CTNNA3: variants seen among roughly 807,000 people sequenced by gnomAD.
The protein encoded by CTNNA3 is catenin alpha-3.
CTNNA3 carries 76 observed loss-of-function variants against 95.7 expected under a neutral mutation model. The ratio of observed to expected loss-of-function variants is 0.79; its 90% CI spans 0.66 to 0.96. The LOEUF (loss-of-function observed/expected upper bound fraction) is 0.96, where lower values mean the gene tolerates loss of function less well. Ranked by LOEUF, CTNNA3 falls within the 40% of genes least tolerant of loss-of-function variation. CTNNA3 has a pLI of 0.00. For missense variants in CTNNA3, 1,191 were observed against 1,089.8 expected (o/e 1.09, Z -1.31); for synonymous variants, 431 against 374.4 (o/e 1.15, Z -1.74).
intron 9 of CTNNA3, among the ~76,000 whole-genome samples, chr10:66,660,254 T>A (rs193046362): frequency 6.8e-4 from 104 of 152,274 alleles, no homozygotes; most frequent in African/African-American, 2.4e-3. Context: ...TTGCTCTATT[T>A]CTACTTGTGT....
chr10:66,847,593 G>T (rs1843328455), intron 7 of CTNNA3, among the ~76,000 whole-genome samples: 1 of 152,080 alleles, frequency 6.6e-6, no homozygotes, highest in Non-Finnish European at 1.5e-5. Context: ...CATCTCAGAA[G>T]TTGGCTGTGA....
chr10:66,746,256 A>G (rs1838868675), intron 9 of CTNNA3, among the ~76,000 whole-genome samples: 1 of 152,160 alleles, frequency 6.6e-6, no homozygotes, highest in South Asian at 2.1e-4. Flanking sequence ...TTATTAGTGA[A>G]GACAAAGACA....
intron 7 of CTNNA3, among the ~76,000 whole-genome samples, chr10:67,139,579 A>C (rs1007270955): frequency 6.6e-6 from 1 of 150,766 alleles, no homozygotes; most frequent in Non-Finnish European, 1.5e-5. Flanking sequence ...CACCCAGCTA[A>C]TTTTTGTATT....
Position 65,988,812 on chromosome 10 carries a change from A to C in CTNNA3, c.2160-15T>G, listed in dbSNP as rs1250966087. The C allele has an allele frequency of 6.3e-7, 1 of 1,588,368 alleles. No individual in the cohort carries two copies. Among genetic ancestry groups the C allele is most frequent in the Non-Finnish European group, 8.6e-7 (1 of 1,158,060 alleles). On this transcript the variant is annotated splice_polypyrimidine_tract_variant and intron_variant, in intron 15 of 17. Transcript: ENST00000433211. Reference sequence around the variant, plus strand: ...GTCCTTTGCCCCTGGAAAAAAATTTATATATGTTAGCTGTGGTGTTCATGA... The same window carrying C: ...GTCCTTTGCCCCTGGAAAAAAATTTCTATATGTTAGCTGTGGTGTTCATGA...
intron 10 of CTNNA3, among the ~76,000 whole-genome samples, chr10:66,539,801 G>C (rs1443479742): frequency 6.6e-6 from 1 of 152,096 alleles, no homozygotes; most frequent in Admixed American, 6.5e-5. Context: ...GAGCTTGTTA[G>C]ACATGCAGAA....
At chr10:66,681,230 A>C (rs1379792753) in intron 9 of CTNNA3, among the ~76,000 whole-genome samples, 1 of 152,162 alleles carries the variant, frequency 6.6e-6, no homozygotes, top group Admixed American at 6.5e-5. Flanking sequence ...CTGGTCCTCT[A>C]GAATAGGACT....
At chr10:66,446,521 TTCAC>T (rs2093422614) in intron 11 of CTNNA3, among the ~76,000 whole-genome samples, 3 of 150,978 alleles carry the variant, frequency 2.0e-5, no homozygotes, top group African/African-American at 7.4e-5. Context: ...TGGTTTAACA[TTCAC>T]AAATCAATAA....
chr10:67,745,234 C>T (rs1841367543), intron 1 of CTNNA3, among the ~76,000 whole-genome samples: 2 of 152,160 alleles, frequency 1.3e-5, no homozygotes, highest in South Asian at 2.1e-4. Context: ...GCACTATTCA[C>T]GATAGCCAAG....
intron 16 of CTNNA3, among the ~76,000 whole-genome samples, chr10:65,978,482 A>ATT (rs371859926): frequency 2.1e-4 from 22 of 105,678 alleles, no homozygotes; most frequent in Middle Eastern, 4.9e-3. Flanking sequence ...TTCCTGAGCA[A>ATT]TTTTTTTTTT....
rs57678664 is a variant in CTNNA3 at position 66,125,415 on chromosome 10, G to A, written c.1885-22166C>T. Among the ~76,000 whole-genome samples, 358 of 152,236 alleles carry A rather than the reference G, an allele frequency of 2.4e-3. 1 individual carries two copies. The highest frequency in any genetic ancestry group is 8.2e-3 in the African/African-American group (342 of 41,540). ...TATGAAAGTGGACCTAATTGTAAATGTATATTGCAAACTCTAGGGCAAGTA... is the reference window on the plus strand; with the variant it reads ...TATGAAAGTGGACCTAATTGTAAATATATATTGCAAACTCTAGGGCAAGTA... On this transcript the variant is annotated intron_variant, in intron 13 of 17. Transcript: ENST00000433211.
chr10:67,583,427 CACTG>C, intron 3 of CTNNA3, among the ~76,000 whole-genome samples: 1 of 152,306 alleles, frequency 6.6e-6, no homozygotes, highest in Middle Eastern at 3.4e-3. Context: ...CTGAGAGATC[CACTG>C]TTTGTCTGAT....
chr10:67,040,576 T>C (rs1854330200), intron 7 of CTNNA3, among the ~76,000 whole-genome samples: 1 of 152,080 alleles, frequency 6.6e-6, no homozygotes, highest in South Asian at 2.1e-4. Flanking sequence ...AAATATAAGA[T>C]GGAATTTTTT....
At chr10:66,192,386 G>A (rs1220297381) in intron 13 of CTNNA3, among the ~76,000 whole-genome samples, 16 of 152,168 alleles carry the variant, frequency 1.1e-4, no homozygotes. Context: ...GAGTGCTACA[G>A]AATAAGAAGA....
intron 9 of CTNNA3, among the ~76,000 whole-genome samples, chr10:66,719,009 G>A (rs1848542466): frequency 6.6e-6 from 1 of 152,108 alleles, no homozygotes; most frequent in East Asian, 1.9e-4. Context: ...CATGATCTGC[G>A]CTATCCGTTC....
intron 9 of CTNNA3, among the ~76,000 whole-genome samples, chr10:66,755,451 T>C (rs1368226462): frequency 6.6e-6 from 1 of 152,156 alleles, no homozygotes; most frequent in African/African-American, 2.4e-5. Flanking sequence ...TATATCTCGA[T>C]AATAGATATC....
intron 17 of CTNNA3, among the ~76,000 whole-genome samples, chr10:65,953,705 G>T (rs1029512041): frequency 1.3e-5 from 2 of 152,136 alleles, no homozygotes; most frequent in African/African-American, 4.8e-5. Flanking sequence ...TCCCTACAAA[G>T]GTCACGAACT....
intron 11 of CTNNA3, among the ~76,000 whole-genome samples, chr10:66,462,508 T>C (rs2093536475): frequency 6.6e-6 from 1 of 152,154 alleles, no homozygotes; most frequent in Admixed American, 6.6e-5. Context: ...ATCTTCTTCC[T>C]ATTCCATTTA....
chr10:66,939,676 T>C (rs1296551968), intron 7 of CTNNA3, among the ~76,000 whole-genome samples: 2 of 152,186 alleles, frequency 1.3e-5, no homozygotes, highest in Non-Finnish European at 2.9e-5. Context: ...ATGTGAAGTA[T>C]CTGTCAGCCT....
chr10:66,147,568 A>G (rs1176986312), intron 13 of CTNNA3, among the ~76,000 whole-genome samples: 1 of 130,930 alleles, frequency 7.6e-6, no homozygotes, highest in Non-Finnish European at 1.6e-5. Context: ...GTACCATGGT[A>G]TTTCAGACAG....
Sources: gnomAD v4.1 joint callset for allele counts (sites outside exome capture counted in the v4.1 genomes callset) on GRCh38, gnomAD v4.1.1 for gene constraint, MANE v1.5 for transcripts, NCBI Gene and HGNC (gene_info 2026-07-23, HGNC 2026-07-21) for gene names.